Variants in BMP7 observed in about 807,000 individuals in gnomAD.
BMP7 encodes the protein osteogenic protein 1.
In BMP7, 12 loss-of-function variants were observed where a neutral mutation model predicts 41.2. That is an observed-to-expected ratio of 0.29 (90% confidence interval 0.19 to 0.47). The LOEUF is 0.47. BMP7 is among the 20% of genes least tolerant of loss of function. The probability of loss-of-function intolerance (pLI) is 0.99; values close to 1 mark genes in which losing one functional copy is unlikely to be tolerated. For missense variants in BMP7, 467 were observed against 606.0 expected, an observed-to-expected ratio of 0.77 and a Z score of 2.41; for synonymous variants, 248 against 250.0, an observed-to-expected ratio of 0.99 and a Z score of 0.07.
Position 57,257,688 on chromosome 20 carries a change from G to A in BMP7, c.418+8017C>T, listed in dbSNP as rs182917550. On this transcript the variant is annotated intron_variant, in intron 1 of 6. Transcript: ENST00000395863. ...TGCTTAGAATGTCTTCATGCCATAT[G>A]TGCACCGAAACAACCAATATCTGAG... 1.2e-4 allele frequency among the ~76,000 whole-genome samples: 18 copies of A among 152,172 alleles called. No homozygotes were observed. In the East Asian group the frequency reaches 2.7e-3, roughly 23 times the overall value.
Position 57,213,944 on chromosome 20 carries a change from C to T in BMP7, c.612-11321G>A, listed in dbSNP as rs561622746. 2.6e-5 allele frequency among the ~76,000 whole-genome samples: 4 copies of T among 152,300 alleles called. No homozygotes were observed. Among genetic ancestry groups the T allele is most frequent in the East Asian group, 3.9e-4 (2 of 5,184 alleles). On this transcript the variant is annotated intron_variant, in intron 2 of 6. Coordinates refer to ENST00000395863, the MANE Select transcript of BMP7 (RefSeq NM_001719.3). This position sits in a 1 kb window ranked among gnomAD's most constrained non-coding sequence, Gnocchi z 4.4. ...AGCGCAAAGCCAGAGACTCAAGGTTCGCAGCTGGTTGGAGCAAACCTCAAT... is the reference window on the plus strand; with the variant it reads ...AGCGCAAAGCCAGAGACTCAAGGTTTGCAGCTGGTTGGAGCAAACCTCAAT...
chr20:57,263,666 G>A (rs986883219), intron 1 of BMP7, among the ~76,000 whole-genome samples: 4 of 152,200 alleles, frequency 2.6e-5, no homozygotes, highest in African/African-American at 9.7e-5. Context: ...CAGAAGGGAA[G>A]ATGCTATAAA....
chr20:57,237,071 G>A (rs1480172809), intron 1 of BMP7, among the ~76,000 whole-genome samples: 1 of 152,212 alleles, frequency 6.6e-6, no homozygotes, highest in Non-Finnish European at 1.5e-5. Flanking sequence ...GCAAAGGGAT[G>A]CTTTCCAGGC....
rs901085522 is a variant in BMP7 at position 57,202,840 on chromosome 20, C to T, written c.612-217G>A. ...CAGAAGAGCTACAAAGAGATACACG[C>T]AGGGAAAAGGCAGCTGTTACAAGGC... On this transcript the variant is annotated intron_variant, in intron 2 of 6. Transcript: ENST00000395863. 5.9e-5 allele frequency among the ~76,000 whole-genome samples: 9 copies of T among 152,252 alleles called. No homozygotes were observed. The East Asian group carries it at 7.7e-4, about 13-fold the overall frequency.
chr20:57,175,013 T>A lies in BMP7; in HGVS notation c.959-6A>T. The stretch of plus-strand genomic sequence containing the variant: ...CTGGTCGCTGCTGCTGTTCTCTGCA[T>A]TGACAAGGAAGTGAAGAAGCAGAGC... On this transcript the variant is annotated splice_polypyrimidine_tract_variant and splice_region_variant and intron_variant, in intron 4 of 6. Transcript: ENST00000395863. 6.2e-7 allele frequency: 1 copy of A among 1,609,910 alleles called. No individual in the cohort carries two copies. The highest frequency in any genetic ancestry group is 8.5e-7 in the Non-Finnish European group (1 of 1,179,676).
intron 1 of BMP7, among the ~76,000 whole-genome samples, chr20:57,237,321 G>A (rs1299573082): frequency 5.9e-5 from 9 of 152,102 alleles, no homozygotes; most frequent in South Asian, 2.1e-4. Context: ...CCCATATCCC[G>A]GAACGTCCCC....
At chr20:57,202,724 G>GC in intron 2 of BMP7, 101 bp from the exon 3 acceptor site, 1 of 454,248 alleles carries the variant, frequency 2.2e-6, no homozygotes, top group Non-Finnish European at 4.4e-6. Context: ...GGAGGGGAGG[G>GC]AAAGAGTCCA....
intron 1 of BMP7, among the ~76,000 whole-genome samples, chr20:57,241,543 C>A (rs540468412): frequency 3.3e-5 from 5 of 152,326 alleles, no homozygotes; most frequent in African/African-American, 9.6e-5. Flanking sequence ...AACTCTCGAA[C>A]TTTCCACCAA....
At chr20:57,222,843 T>C (rs1985220947) in intron 2 of BMP7, among the ~76,000 whole-genome samples, 1 of 73,972 alleles carries the variant, frequency 1.4e-5, no homozygotes, top group African/African-American at 1.2e-4. Context: ...CAGAGGCTTC[T>C]GGAAGCTTCC....
chr20:57,247,627 T>C (rs899572908), intron 1 of BMP7, among the ~76,000 whole-genome samples: 1 of 152,160 alleles, frequency 6.6e-6, no homozygotes, highest in Non-Finnish European at 1.5e-5. Context: ...CTAGAAAACA[T>C]TTGATCAGGC....
rs112344257 is a variant in BMP7, at chr20:57,202,483, G to A, written c.752C>T (p.Thr251Met). 673 of 1,604,126 alleles carry A rather than the reference G, an allele frequency of 4.2e-4. No homozygotes were observed. The highest frequency in any genetic ancestry group is 5.1e-4 in the Non-Finnish European group (605 of 1,179,426). Residue 251 changes from threonine to methionine, a missense_variant, in exon 3 of 7, where the codon ACG becomes ATG. By Grantham distance (81) the Thr-to-Met change is moderately conservative (BLOSUM62 -1). Around this residue, in one of 2 missense-constraint regions of BMP7, gnomAD observed 407 missense variants for 485.9 expected, o/e 0.84. Coordinates refer to ENST00000395863, the MANE Select transcript of BMP7 (RefSeq NM_001719.3). Reference protein sequence around the residue: ...HNLGLQLSVETLDGQSINPKL... With the variant: ...HNLGLQLSVEMLDGQSINPKL... ...GTGGCCGGGGGACTCACCATCCAGC[G>A]TCTCCACCGAGAGCTGCAGGCCCAG...
chr20:57,248,132 A>G (rs1191866913), intron 1 of BMP7, among the ~76,000 whole-genome samples: 2 of 152,228 alleles, frequency 1.3e-5, no homozygotes, highest in African/African-American at 2.4e-5. Context: ...GTGGAACACT[A>G]TCATCTGGAG....
intron 1 of BMP7, among the ~76,000 whole-genome samples, chr20:57,231,838 G>A (rs2066030512): frequency 6.6e-6 from 1 of 152,248 alleles, no homozygotes; most frequent in African/African-American, 2.4e-5. Context: ...CAATCAGCCT[G>A]AGCAGAGAAA....
chr20:57,196,451 C>T (rs969457089), intron 3 of BMP7, among the ~76,000 whole-genome samples: 2 of 152,240 alleles, frequency 1.3e-5, no homozygotes, highest in African/African-American at 4.8e-5. Context: ...GGCTGTGCCC[C>T]TGCTGCTTCG....
chr20:57,188,819 C>G (rs1984282175), intron 3 of BMP7, among the ~76,000 whole-genome samples: 1 of 152,216 alleles, frequency 6.6e-6, no homozygotes, highest in Non-Finnish European at 1.5e-5. Context: ...AGGGCAGATG[C>G]TGCAACCTCA....
At chr20:57,179,686 AG>A (rs894158901) in intron 4 of BMP7, among the ~76,000 whole-genome samples, 49 of 152,386 alleles carry the variant, frequency 3.2e-4, no homozygotes, top group African/African-American at 1.1e-3. Flanking sequence ...AGCGATTCAA[AG>A]GGGCAGGCAC....
intron 1 of BMP7, among the ~76,000 whole-genome samples, chr20:57,229,842 G>T (rs2066022171): frequency 6.6e-6 from 1 of 152,232 alleles, no homozygotes; most frequent in African/African-American, 2.4e-5. Flanking sequence ...GAAGTTCACA[G>T]CACTGGCAGC....
intron 2 of BMP7, among the ~76,000 whole-genome samples, chr20:57,222,760 G>A (rs868607649): frequency 7.3e-5 from 11 of 151,578 alleles, no homozygotes; most frequent in Non-Finnish European, 1.5e-4. Flanking sequence ...CTGGGGCTGA[G>A]GTGTAGTGGC....
At position 57,265,709 on chromosome 20, in the gene BMP7, G is replaced by T; in HGVS notation, c.414C>A (p.Asn138Lys). The T allele has an allele frequency of 6.2e-7, 1 of 1,603,824 alleles. No homozygotes were observed. The highest frequency in any genetic ancestry group is 8.5e-7 in the Non-Finnish European group (1 of 1,175,230). Residue 138 changes from asparagine (N) to lysine (K), a missense_variant, in exon 1 of 7, where the codon AAC (asparagine) becomes AAA (lysine). Around this residue, in one of 2 missense-constraint regions of BMP7, gnomAD observed 407 missense variants for 485.9 expected, o/e 0.84. Transcript: ENST00000395863. ...CCCTCGCCTGCCCTTACTCACCGAG[G>T]TTGACGAAGCTCATGACCATGTCGG... ...TDADMVMSFV[N>K]LVEHDKEFFH...
Sources: allele counts gnomAD v4.1 joint callset (sites outside exome capture counted in the v4.1 genomes callset), GRCh38; gene constraint gnomAD v4.1.1; regional missense constraint gnomAD v4.1.1; non-coding constraint Gnocchi (gnomAD v3.1); transcripts MANE v1.5; gene names NCBI Gene and HGNC (gene_info 2026-07-23, HGNC 2026-07-21).